TMEM131: variants seen among roughly 807,000 people sequenced by gnomAD.
The protein encoded by TMEM131 is 2610524E03Rik.
TMEM131 carries 66 observed loss-of-function variants against 211.6 expected under a neutral mutation model. That is an observed-to-expected ratio of 0.31 (90% CI 0.26 to 0.38). The LOEUF (loss-of-function observed/expected upper bound fraction) is 0.38, where lower values mean the gene tolerates loss of function less well. TMEM131 is among the 10% of genes least tolerant of loss of function. TMEM131 has a pLI of 1.00. For synonymous variants in TMEM131, 844 were observed against 841.3 expected, an observed-to-expected ratio of 1.00 and a Z score of -0.06; for missense variants, 2,036 against 2,299.3, an observed-to-expected ratio of 0.89 and a Z score of 2.34.
At chr2:97,793,686 C>T (rs1432301454) in intron 29 of TMEM131, 133 bp from the exon 30 acceptor site, 7 of 931,130 alleles carry the variant, frequency 7.5e-6, no homozygotes. Context: ...TCTGTGACAA[C>T]TTTTAACAGA....
rs752938880 is a variant in TMEM131, at chr2:97,927,458, C to A, written c.217G>T (p.Val73Leu). The change falls in exon 2 of 41, where the codon GTA becomes TTA. Residue 73 changes from valine (V) to leucine (L), a missense_variant. Physicochemically the swap from Val to Leu is conservative, Grantham distance 32. Around this residue, in one of 3 missense-constraint regions of TMEM131, gnomAD observed 136 missense variants for 115.4 expected, o/e 1.18. Coordinates refer to ENST00000186436, the MANE Select transcript of TMEM131 (RefSeq NM_015348.2). ...AFVQSESIIE[V>L]LRFDDGGLLQ... ...AGCCCTCCATCATCAAAACGCAGTA[C>A]TTCTATTATGCTCTCTGACTGAACG... 2 of 1,592,622 alleles carry A rather than the reference C, an allele frequency of 1.3e-6. No homozygotes were observed. The highest frequency in any genetic ancestry group is 8.5e-7 in the Non-Finnish European group (1 of 1,170,110).
intron 4 of TMEM131, among the ~76,000 whole-genome samples, chr2:97,870,949 G>A (rs1050800282): frequency 1.3e-5 from 2 of 152,188 alleles, no homozygotes; most frequent in African/African-American, 2.4e-5. Context: ...TATCCCTTTA[G>A]GGGGCCTATT....
At chr2:97,778,656 C>T (rs1679844735) in intron 31 of TMEM131, among the ~76,000 whole-genome samples, 1 of 152,202 alleles carries the variant, frequency 6.6e-6, no homozygotes, top group Non-Finnish European at 1.5e-5. Context: ...GTCCCTAGCA[C>T]CTTAACAAAA....
At position 97,802,672 on chromosome 2, in the gene TMEM131, T is replaced by C; in HGVS notation, c.2521A>G (p.Thr841Ala). Residue 841 changes from threonine (T) to alanine (A), a missense_variant, in exon 23 of 41, where the codon ACT becomes GCT. Thr to Ala is a moderately conservative substitution (Grantham distance 58, BLOSUM62 0). Transcript: ENST00000186436. ...SSPRHLKFPL[T>A]NTNCSSEEEI... The stretch of plus-strand genomic sequence containing the variant: ...CTTACTGAGGAGCAGTTTGTATTAG[T>C]AAGTGGAAATTTCAAGTGCCGGGGT... 2 of 1,612,152 alleles carry C rather than the reference T, an allele frequency of 1.2e-6. No homozygotes were observed. The highest frequency in any genetic ancestry group is 1.7e-6 in the Non-Finnish European group (2 of 1,179,026).
chr2:97,809,879 T>C (rs944656593), intron 18 of TMEM131, 105 bp from the exon 19 acceptor site: 1 of 790,232 alleles, frequency 1.3e-6, no homozygotes, highest in African/African-American at 1.7e-5. Context: ...GGACTAATAT[T>C]GACAATAACC....
chr2:97,776,283 T>C (rs564135357), intron 31 of TMEM131, among the ~76,000 whole-genome samples: 34 of 152,240 alleles, frequency 2.2e-4, no homozygotes, highest in Non-Finnish European at 1.5e-5. Flanking sequence ...CTCAATCTCC[T>C]GACCTCGTGA....
chr2:97,847,047 C>T (rs1000849645), intron 5 of TMEM131, among the ~76,000 whole-genome samples: 6 of 96,898 alleles, frequency 6.2e-5, no homozygotes, highest in South Asian at 3.7e-4. Context: ...GGTGTGATGG[C>T]GCGTGCCTGT....
intron 5 of TMEM131, 50 bp downstream of exon 5, chr2:97,859,254 A>G (rs1306447004): frequency 6.5e-7 from 1 of 1,532,482 alleles, no homozygotes; most frequent in Non-Finnish European, 8.7e-7. Context: ...AAAAATCTAG[A>G]CATTTCAACT....
At chr2:97,909,848 C>T (rs976868030) in intron 2 of TMEM131, among the ~76,000 whole-genome samples, 1 of 151,788 alleles carries the variant, frequency 6.6e-6, no homozygotes, top group African/African-American at 2.4e-5. Flanking sequence ...TGGTAATAAC[C>T]GTTGAGTCTG....
chr2:97,915,665 A>G (rs1308461464), intron 2 of TMEM131, among the ~76,000 whole-genome samples: 5 of 152,126 alleles, frequency 3.3e-5, no homozygotes, highest in African/African-American at 1.2e-4. Flanking sequence ...TTTTAAATTC[A>G]TCGATCTTTC....
chr2:97,964,970 T>C (rs188333815), intron 1 of TMEM131, among the ~76,000 whole-genome samples: 7 of 152,310 alleles, frequency 4.6e-5, no homozygotes, highest in Admixed American at 4.6e-4. Context: ...CTCCCCTGTG[T>C]GAGACACCCA....
chr2:97,858,475 T>C (rs1029450642), intron 5 of TMEM131, among the ~76,000 whole-genome samples: 6 of 152,182 alleles, frequency 3.9e-5, no homozygotes, highest in Non-Finnish European at 8.8e-5. Flanking sequence ...GAACCTTAAA[T>C]TGGAGCCCAA....
intron 5 of TMEM131, among the ~76,000 whole-genome samples, chr2:97,853,596 ACCC>A (rs994431290): frequency 4.3e-5 from 6 of 139,026 alleles, no homozygotes; most frequent in Admixed American, 7.4e-5. Flanking sequence ...ACAGAGTGAG[ACCC>A]CGTCTTGGAA....
At chr2:97,879,434 A>G (rs1674831553) in intron 4 of TMEM131, among the ~76,000 whole-genome samples, 1 of 152,216 alleles carries the variant, frequency 6.6e-6, no homozygotes, top group Non-Finnish European at 1.5e-5. Context: ...TCTGTCACTT[A>G]CAACCAAATA....
At chr2:97,834,575 A>T (rs1216400640) in intron 10 of TMEM131, 46 bp downstream of exon 10, 9 of 827,718 alleles carry the variant, frequency 1.1e-5, no homozygotes, top group South Asian at 2.2e-5. Flanking sequence ...ACAGGGGTTA[A>T]AAAAAAAAAA....
intron 31 of TMEM131, among the ~76,000 whole-genome samples, chr2:97,785,095 T>TA (rs1200840658): frequency 6.6e-6 from 1 of 152,170 alleles, no homozygotes; most frequent in Non-Finnish European, 1.5e-5. Flanking sequence ...AACAGCCCTG[T>TA]AACTATTAGG....
At chr2:97,974,547 G>C (rs1679446777) in intron 1 of TMEM131, among the ~76,000 whole-genome samples, 1 of 150,922 alleles carries the variant, frequency 6.6e-6, no homozygotes, top group Non-Finnish European at 1.5e-5. Flanking sequence ...TACACCAAGA[G>C]ATAATCAAAT....
At chr2:97,780,406 C>G (rs1679941435) in intron 31 of TMEM131, among the ~76,000 whole-genome samples, 1 of 152,190 alleles carries the variant, frequency 6.6e-6, no homozygotes, top group Admixed American at 6.5e-5. Flanking sequence ...CCCGTAATGG[C>G]CTTGTCTCCC....
Position 97,927,447 on chromosome 2 carries a change from A to G in TMEM131, c.228T>C (p.Phe76=), listed in dbSNP as rs1408684076. ...QSESIIEVLR[F]DDGGLLQTET... ...TTACCTGTAGTAGCCCTCCATCATC[A>G]AAACGCAGTACTTCTATTATGCTCT... The change falls in exon 2 of 41, where the codon TTT becomes TTC. Residue 76 remains phenylalanine, a synonymous_variant. Transcript: ENST00000186436. 31 of 1,589,960 alleles carry G rather than the reference A, an allele frequency of 1.9e-5. No individual in the cohort carries two copies. The highest frequency in any genetic ancestry group is 2.7e-5 in the Non-Finnish European group (31 of 1,168,712).
Sources: allele counts gnomAD v4.1 joint callset (sites outside exome capture counted in the v4.1 genomes callset), GRCh38; gene constraint gnomAD v4.1.1; regional missense constraint gnomAD v4.1.1; transcripts MANE v1.5; gene names NCBI Gene and HGNC (gene_info 2026-07-23, HGNC 2026-07-21).